CLVS1: variants seen among roughly 807,000 people sequenced by gnomAD.
CLVS1 encodes the protein clavesin 1, also known as clavesin-1.
CLVS1 carries 10 observed loss-of-function variants against 33.1 expected under a neutral mutation model. The observed-to-expected ratio is 0.30, with a 90% confidence interval of 0.19 to 0.51. CLVS1 has a LOEUF of 0.51. Ranked by LOEUF, CLVS1 falls within the 20% of genes least tolerant of loss-of-function variation. The pLI is 0.97. For synonymous variants in CLVS1, 163 were observed against 166.1 expected (o/e 0.98, Z 0.14); for missense variants, 343 against 433.4 (o/e 0.79, Z 1.85).
In CLVS1 at chr8:61,127,846, A is replaced by G. The variant is rs371562520; in HGVS notation, c.-242-3924A>G. Among the ~76,000 whole-genome samples the G allele has an allele frequency of 1.1e-4, 17 of 152,342 alleles. No individual in the cohort carries two copies. The East Asian group carries it at 2.9e-3, about 26-fold the overall frequency. On this transcript the variant is annotated intron_variant, in intron 1 of 2. Coordinates refer to the CLVS1 transcript ENST00000522621. ...TGTCTATAAACCATGTAAGACAAAT[A>G]CTACTAGCATTCTATTTTGCAGAAT... is the stretch of plus-strand genomic sequence containing the variant.
chr8:61,450,264 A>G (rs942065901), intron 3 of CLVS1, among the ~76,000 whole-genome samples: 1 of 152,198 alleles, frequency 6.6e-6, no homozygotes, highest in Non-Finnish European at 1.5e-5. Context: ...GGCATTTGAG[A>G]CTATGAATTA....
At chr8:61,136,456 G>A (rs577075178) in intron 2 of CLVS1, among the ~76,000 whole-genome samples, 42 of 152,244 alleles carry the variant, frequency 2.8e-4, no homozygotes, top group East Asian at 7.7e-4. Context: ...ATGATAGACC[G>A]GATAAAGAAA....
chr8:61,175,198 C>G (rs1344925400), intron 2 of CLVS1, among the ~76,000 whole-genome samples: 3 of 152,158 alleles, frequency 2.0e-5, no homozygotes, highest in Admixed American at 1.3e-4. Context: ...AACCTAATCT[C>G]AATGTGATGG....
chr8:61,201,512 C>T lies in CLVS1; in HGVS notation c.-152+69652C>T, dbSNP rs567849193. 4.3e-4 allele frequency among the ~76,000 whole-genome samples: 66 copies of T among 152,216 alleles called. 1 individual carries two copies. In the South Asian group the frequency reaches 9.1e-3, roughly 21 times the overall value. ...AGAGAAAGAAAATGATTGTTTCTTT[C>T]GTAGGACAGCTATGGTTGATTAGAG... On this transcript the variant is annotated intron_variant, in intron 2 of 2. Transcript: ENST00000522621.
intron 3 of CLVS1, among the ~76,000 whole-genome samples, chr8:61,396,894 T>A (rs934815380): frequency 6.6e-6 from 1 of 152,188 alleles, no homozygotes; most frequent in African/African-American, 2.4e-5. Flanking sequence ...TTGCCAAATA[T>A]TTCATTGCAT....
the CLVS1 span, among the ~76,000 whole-genome samples, chr8:61,036,464 C>T: frequency 3.3e-4 from 50 of 152,276 alleles, no homozygotes; most frequent in African/African-American, 1.2e-3. Context: ...AGATCGGAGG[C>T]CCACCACTGA....
intron 3 of CLVS1, among the ~76,000 whole-genome samples, chr8:61,416,309 CATACA>C: frequency 2.0e-5 from 2 of 100,994 alleles, no homozygotes; most frequent in African/African-American, 1.2e-4. Flanking sequence ...TAGCTAGATA[CATACA>C]TACATACATA....
chr8:61,482,378 T>C (rs1818227272), intron 5 of CLVS1, among the ~76,000 whole-genome samples: 1 of 152,228 alleles, frequency 6.6e-6, no homozygotes, highest in Admixed American at 6.5e-5. Context: ...AGAAGAAGGC[T>C]TCAGATAATC....
chr8:60,969,158 G>A, the CLVS1 span, among the ~76,000 whole-genome samples: 2 of 152,180 alleles, frequency 1.3e-5, no homozygotes, highest in African/African-American at 2.4e-5. Flanking sequence ...ATAGTCAGTG[G>A]TCTCTTATCA....
chr8:60,978,669 G>A, the CLVS1 span, among the ~76,000 whole-genome samples: 6 of 151,816 alleles, frequency 4.0e-5, no homozygotes, highest in Admixed American at 3.3e-4. Context: ...GCAAAAATTA[G>A]CCAGGGGTGA....
chr8:61,005,514 C>A, the CLVS1 span, among the ~76,000 whole-genome samples: 6 of 152,002 alleles, frequency 3.9e-5, no homozygotes, highest in African/African-American at 1.5e-4. Flanking sequence ...AAAAAGCCCC[C>A]ACATGGACGC....
intron 3 of CLVS1, among the ~76,000 whole-genome samples, chr8:61,394,648 G>A (rs1399035576): frequency 6.6e-6 from 1 of 152,182 alleles, no homozygotes; most frequent in Non-Finnish European, 1.5e-5. Flanking sequence ...CAGCTCCCAT[G>A]CAGCCAGCGA....
chr8:61,225,809 A>C (rs1563452663), intron 2 of CLVS1, among the ~76,000 whole-genome samples: 1 of 152,230 alleles, frequency 6.6e-6, no homozygotes, highest in Non-Finnish European at 1.5e-5. Flanking sequence ...GAAAATGATT[A>C]GTTGGAATTA....
At chr8:61,068,229 G>GTATATATA (rs201671807) in intron 1 of CLVS1, among the ~76,000 whole-genome samples, 8 of 101,004 alleles carry the variant, frequency 7.9e-5, no homozygotes, top group African/African-American at 2.6e-4. Context: ...GTATGTATGT[G>GTATATATA]TATATATATA....
At chr8:61,461,550 A>C (rs1817366240) in intron 5 of CLVS1, among the ~76,000 whole-genome samples, 1 of 152,194 alleles carries the variant, frequency 6.6e-6, no homozygotes, top group African/African-American at 2.4e-5. Flanking sequence ...GTTTTCCATG[A>C]ACTTTGTGAA....
At chr8:61,009,642 C>G in the CLVS1 span, among the ~76,000 whole-genome samples, 1 of 152,130 alleles carries the variant, frequency 6.6e-6, no homozygotes, top group Non-Finnish European at 1.5e-5. Context: ...TGTAGGACCT[C>G]TTTATGGGGC....
At chr8:61,483,003 T>C (rs979014951) in intron 5 of CLVS1, among the ~76,000 whole-genome samples, 2 of 151,952 alleles carry the variant, frequency 1.3e-5, no homozygotes, top group African/African-American at 2.4e-5. Flanking sequence ...AGATCTAAAA[T>C]TGACATCCTA....
In CLVS1 at chr8:61,110,182, G is replaced by A. The variant is rs568407979; in HGVS notation, c.-242-21588G>A. Among the ~76,000 whole-genome samples the A allele has an allele frequency of 6.6e-4, 101 of 152,204 alleles. 1 individual carries two copies. Among genetic ancestry groups the A allele is most frequent in the South Asian group, 2.3e-3 (11 of 4,822 alleles). On this transcript the variant is annotated intron_variant, in intron 1 of 2. Coordinates refer to the CLVS1 transcript ENST00000522621. ...TCCCCCTCCCACCACCAGTGGGGTC[G>A]GCCTGTAACCCTGACTGCCTGGCAG... is the stretch of plus-strand genomic sequence containing the variant.
At chr8:61,011,989 G>A in the CLVS1 span, among the ~76,000 whole-genome samples, 2 of 152,232 alleles carry the variant, frequency 1.3e-5, no homozygotes, top group African/African-American at 4.8e-5. Flanking sequence ...GCTCAGCTCT[G>A]AGTGGAGAAG....
Sources: gnomAD v4.1 joint callset for allele counts (sites outside exome capture counted in the v4.1 genomes callset) on GRCh38, gnomAD v4.1.1 for gene constraint, MANE v1.5 for transcripts, NCBI Gene and HGNC (gene_info 2026-07-23, HGNC 2026-07-21) for gene names.